NRG3: variants seen among roughly 807,000 people sequenced by gnomAD.
NRG3 encodes neuregulin 3.
NRG3 carries 31 observed loss-of-function variants against 66.9 expected under a neutral mutation model. That is an observed-to-expected ratio of 0.46 (90% CI 0.35 to 0.63). The LOEUF is 0.63. Ranked by LOEUF, NRG3 falls within the 20% of genes least tolerant of loss-of-function variation. The probability of loss-of-function intolerance (pLI) is 0.00; values close to 1 mark genes in which losing one functional copy is unlikely to be tolerated. For synonymous variants in NRG3, 393 were observed against 359.4 expected (o/e 1.09, Z -1.06); for missense variants, 910 against 878.9 (o/e 1.04, Z -0.45).
At chr10:82,887,345 T>A (rs1842814600) in intron 4 of NRG3, among the ~76,000 whole-genome samples, 1 of 152,214 alleles carries the variant, frequency 6.6e-6, no homozygotes, top group Admixed American at 6.5e-5. Context: ...TAAACTCCCT[T>A]CATATTGAAA....
chr10:82,148,629 A>ATC (rs1210502923), intron 1 of NRG3, among the ~76,000 whole-genome samples: 1 of 152,064 alleles, frequency 6.6e-6, no homozygotes, highest in Non-Finnish European at 1.5e-5. Flanking sequence ...TGGCTGTGGA[A>ATC]TCTCTGATTT....
At chr10:82,427,946 CT>C (rs1463605588) in intron 2 of NRG3, among the ~76,000 whole-genome samples, 1 of 151,904 alleles carries the variant, frequency 6.6e-6, no homozygotes, top group Non-Finnish European at 1.5e-5. Context: ...AGTTTGTACC[CT>C]TTTAAGAATT....
At chr10:81,919,309 G>A (rs1027621233) in intron 1 of NRG3, among the ~76,000 whole-genome samples, 1 of 152,146 alleles carries the variant, frequency 6.6e-6, no homozygotes, top group Non-Finnish European at 1.5e-5. Context: ...AAATCAGATG[G>A]ACATTGCTTC....
intron 4 of NRG3, among the ~76,000 whole-genome samples, chr10:82,945,771 A>G (rs898785122): frequency 6.6e-6 from 1 of 152,200 alleles, no homozygotes; most frequent in Admixed American, 6.5e-5. Flanking sequence ...TAGTACTGTT[A>G]CAATGACTAT....
At chr10:82,210,546 G>T (rs907580201) in intron 1 of NRG3, among the ~76,000 whole-genome samples, 1 of 152,126 alleles carries the variant, frequency 6.6e-6, no homozygotes, top group Non-Finnish European at 1.5e-5. Context: ...AAGAGCACAG[G>T]GTGCTGCAAG....
chr10:82,569,925 T>G (rs2045629773), intron 2 of NRG3, among the ~76,000 whole-genome samples: 1 of 151,662 alleles, frequency 6.6e-6, no homozygotes, highest in South Asian at 2.1e-4. Context: ...CCTTCATAAG[T>G]CTTGCAATTT....
intron 4 of NRG3, among the ~76,000 whole-genome samples, chr10:82,872,693 A>C (rs1208294531): frequency 1.3e-5 from 2 of 152,064 alleles, no homozygotes; most frequent in Non-Finnish European, 2.9e-5. Context: ...GAGGTGACAT[A>C]ATAAGTGCTC....
chr10:82,504,444 C>T (rs1844487000), intron 2 of NRG3, among the ~76,000 whole-genome samples: 1 of 152,088 alleles, frequency 6.6e-6, no homozygotes, highest in Non-Finnish European at 1.5e-5. Flanking sequence ...TAAGGAAAGT[C>T]ACAGCACTTT....
chr10:82,833,424 C>A (rs2062625908), intron 3 of NRG3, among the ~76,000 whole-genome samples: 1 of 152,160 alleles, frequency 6.6e-6, no homozygotes, highest in Non-Finnish European at 1.5e-5. Context: ...ATGCCACTGA[C>A]TTTGCCTGCC....
intron 1 of NRG3, among the ~76,000 whole-genome samples, chr10:82,245,997 T>TTC (rs1223340042): frequency 1.3e-5 from 2 of 150,472 alleles, no homozygotes; most frequent in South Asian, 4.2e-4. Context: ...TTTTTTTTTT[T>TTC]TTTTAACTCA....
At chr10:82,316,709 A>G (rs185008508) in intron 1 of NRG3, among the ~76,000 whole-genome samples, 2 of 152,324 alleles carry the variant, frequency 1.3e-5, no homozygotes, top group East Asian at 3.9e-4. Flanking sequence ...TACTTCTAAA[A>G]AGGAAAAAGT....
At chr10:81,933,795 T>C (rs78863194) in intron 1 of NRG3, among the ~76,000 whole-genome samples, 2 of 152,266 alleles carry the variant, frequency 1.3e-5, no homozygotes, top group Admixed American at 6.5e-5. Context: ...TAGAGTAGCC[T>C]GTATTTCTGC....
chr10:81,981,521 G>A (rs910583), intron 1 of NRG3, among the ~76,000 whole-genome samples: 57,902 of 151,882 alleles, frequency 0.38, 14,085 homozygotes, highest in East Asian at 0.77. Flanking sequence ...GGGAAATAGC[G>A]TCGTCTTCTG....
intron 4 of NRG3, among the ~76,000 whole-genome samples, chr10:82,919,401 C>T (rs1333218): frequency 0.37 from 56,747 of 151,830 alleles, 11,012 homozygotes; most frequent in East Asian, 0.63. Context: ...AATTAAATGA[C>T]ACTAGAGTGA....
Position 81,974,117 on chromosome 10 carries a change from T to G in NRG3, c.823+97954T>G, listed in dbSNP as rs186429028. Among the ~76,000 whole-genome samples the G allele has an allele frequency of 7.5e-4, 114 of 152,346 alleles. 1 individual carries two copies. Among genetic ancestry groups the G allele is most frequent in the African/African-American group, 2.2e-3 (93 of 41,586 alleles). On this transcript the variant is annotated intron_variant, in intron 1 of 8. Transcript: ENST00000372141. ...TATGGAAGGGGTCCAGTTTTAATCT[T>G]GTGCATATGGCTAGCCAGTTATCCC...
At chr10:82,452,225 G>T (rs150844770) in intron 2 of NRG3, among the ~76,000 whole-genome samples, 349 of 152,214 alleles carry the variant, frequency 2.3e-3, no homozygotes, top group Non-Finnish European at 4.1e-3. Flanking sequence ...TGTTAGCCTT[G>T]GGCTGTTAGA....
chr10:82,785,941 A>T (rs2060342565), intron 3 of NRG3, among the ~76,000 whole-genome samples: 1 of 152,166 alleles, frequency 6.6e-6, no homozygotes, highest in African/African-American at 2.4e-5. Context: ...AAGGCATTTC[A>T]GGTGTGCAGA....
chr10:82,766,443 C>A (rs1175157852), intron 3 of NRG3, among the ~76,000 whole-genome samples: 2 of 152,094 alleles, frequency 1.3e-5, no homozygotes, highest in Non-Finnish European at 2.9e-5. Flanking sequence ...CTATAAAGAT[C>A]TGCTTATATT....
chr10:81,933,531 T>G (rs1847586777), intron 1 of NRG3, among the ~76,000 whole-genome samples: 1 of 152,226 alleles, frequency 6.6e-6, no homozygotes, highest in Admixed American at 6.5e-5. Context: ...GTTGCACCCA[T>G]TAACTCATCA....
Sources: allele counts gnomAD v4.1 joint callset (sites outside exome capture counted in the v4.1 genomes callset), GRCh38; gene constraint gnomAD v4.1.1; transcripts MANE v1.5; gene names NCBI Gene and HGNC (gene_info 2026-07-23, HGNC 2026-07-21).